Variants in IFNG-AS1 observed in about 807,000 individuals in gnomAD.
IFNG-AS1 encodes IFNG regulatory antisense RNA 1, also known as IFNG antisense RNA 1 (non-protein coding).
intron 3 of IFNG-AS1, among the ~76,000 whole-genome samples, chr12:68,009,333 G>GTTTTTTGTTTTTGTTT (rs1555177789): frequency 2.0e-5 from 3 of 151,978 alleles, no homozygotes; most frequent in Admixed American, 6.6e-5. Context: ...CATTGGAACA[G>GTTTTTTGTTTTTGTTT]TTTTTTGTTT....
intron 1 of IFNG-AS1, among the ~76,000 whole-genome samples, chr12:67,991,642 A>G (rs1879515327): frequency 1.3e-5 from 2 of 152,258 alleles, no homozygotes; most frequent in South Asian, 4.1e-4. Flanking sequence ...AAGATGGGCC[A>G]TGTTAAACCC....
At chr12:68,001,913 G>A (rs1393048512) in intron 2 of IFNG-AS1, among the ~76,000 whole-genome samples, 1 of 152,144 alleles carries the variant, frequency 6.6e-6, no homozygotes, top group African/African-American at 2.4e-5. Context: ...TAAGCTACCT[G>A]CAAATGAGGA....
intron 3 of IFNG-AS1, among the ~76,000 whole-genome samples, chr12:68,010,746 A>G (rs1880007927): frequency 1.3e-5 from 2 of 152,188 alleles, no homozygotes; most frequent in African/African-American, 4.8e-5. Flanking sequence ...CGAACCACAT[A>G]TTAGGGAAGT....
intron 3 of IFNG-AS1, chr12:68,013,736 T>G (rs1880084713): frequency 6.6e-6 from 1 of 152,220 alleles, no homozygotes; most frequent in Non-Finnish European, 1.5e-5. Context: ...GGTTGATGCC[T>G]TGATCAGAAC....
At chr12:68,002,924 T>C (rs1879803615) in intron 2 of IFNG-AS1, among the ~76,000 whole-genome samples, 1 of 152,218 alleles carries the variant, frequency 6.6e-6, no homozygotes, top group African/African-American at 2.4e-5. Context: ...AAAAGTAAAC[T>C]GGAGAACTGA....
intron 3 of IFNG-AS1, among the ~76,000 whole-genome samples, chr12:68,019,650 T>C (rs1190753030): frequency 1.3e-5 from 2 of 152,212 alleles, no homozygotes; most frequent in Non-Finnish European, 2.9e-5. Flanking sequence ...TGTCAACTTG[T>C]ACACTCACAA....
chr12:67,999,142 T>C (rs1441476787), intron 2 of IFNG-AS1, among the ~76,000 whole-genome samples: 1 of 152,106 alleles, frequency 6.6e-6, no homozygotes, highest in Non-Finnish European at 1.5e-5. Context: ...TAGATAGATA[T>C]AAATAGGAAT....
intron 2 of IFNG-AS1, among the ~76,000 whole-genome samples, chr12:68,003,813 A>C (rs1277197111): frequency 6.6e-6 from 1 of 151,764 alleles, no homozygotes; most frequent in Non-Finnish European, 1.5e-5. Context: ...AGGCTGAGGC[A>C]GGAGAATGAC....
At chr12:68,019,311 G>A (rs934846328) in intron 3 of IFNG-AS1, among the ~76,000 whole-genome samples, 9 of 152,160 alleles carry the variant, frequency 5.9e-5, no homozygotes, top group East Asian at 1.9e-4. Context: ...TAAGTGCCTC[G>A]CATGTATCAA....
At chr12:67,999,695 A>G (rs968332963) in intron 2 of IFNG-AS1, among the ~76,000 whole-genome samples, 3 of 152,230 alleles carry the variant, frequency 2.0e-5, no homozygotes, top group African/African-American at 7.2e-5. Flanking sequence ...GTAGAATTAT[A>G]ATTAACGAGT....
chr12:68,015,328 C>G (rs1202283519), intron 3 of IFNG-AS1, among the ~76,000 whole-genome samples: 1 of 152,130 alleles, frequency 6.6e-6, no homozygotes, highest in Non-Finnish European at 1.5e-5. Flanking sequence ...AGGAAAGCTG[C>G]AAACAAGCCA....
chr12:68,008,319 G>A (rs1879951761), intron 3 of IFNG-AS1, among the ~76,000 whole-genome samples: 2 of 151,944 alleles, frequency 1.3e-5, no homozygotes, highest in African/African-American at 4.8e-5. Flanking sequence ...GGGAGGCTGA[G>A]GCAGGAGAAT....
chr12:68,008,128 G>T, intron 3 of IFNG-AS1, among the ~76,000 whole-genome samples: 1 of 152,072 alleles, frequency 6.6e-6, no homozygotes, highest in Non-Finnish European at 1.5e-5. Flanking sequence ...TTAAAAATTA[G>T]AGATACAGCC....
intron 3 of IFNG-AS1, among the ~76,000 whole-genome samples, chr12:68,013,339 C>T (rs1880075711): frequency 6.6e-6 from 1 of 152,202 alleles, no homozygotes. Context: ...AGCTGCCCTG[C>T]CTTCCTCTGG....
At chr12:68,014,437 A>G (rs1880100644) in intron 3 of IFNG-AS1, among the ~76,000 whole-genome samples, 1 of 152,194 alleles carries the variant, frequency 6.6e-6, no homozygotes, top group African/African-American at 2.4e-5. Context: ...CACTGCATCC[A>G]TGCCAACATC....
At chr12:68,003,933 A>G (rs1879845792) in intron 2 of IFNG-AS1, among the ~76,000 whole-genome samples, 1 of 59,274 alleles carries the variant, frequency 1.7e-5, no homozygotes, top group South Asian at 5.9e-4. Flanking sequence ...AATCCGTATT[A>G]ATTTGGCCAC....
At chr12:68,009,918 A>T (rs952868327) in intron 3 of IFNG-AS1, among the ~76,000 whole-genome samples, 8 of 152,226 alleles carry the variant, frequency 5.3e-5, no homozygotes, top group Non-Finnish European at 1.0e-4. Flanking sequence ...GATGAGTTTT[A>T]AAAATAAAAT....
At chr12:68,007,314 T>C (rs1202093422) in intron 3 of IFNG-AS1, among the ~76,000 whole-genome samples, 1 of 152,228 alleles carries the variant, frequency 6.6e-6, no homozygotes, top group Non-Finnish European at 1.5e-5. Flanking sequence ...TCATTAACTA[T>C]CCTTATATGA....
At chr12:68,018,783 T>C (rs1880215064) in intron 3 of IFNG-AS1, among the ~76,000 whole-genome samples, 1 of 13,564 alleles carries the variant, frequency 7.4e-5, no homozygotes, top group African/African-American at 8.8e-5. Context: ...TTTTTATATA[T>C]ATATTTTTTT....
Sources: allele counts gnomAD v4.1 joint callset (sites outside exome capture counted in the v4.1 genomes callset), GRCh38; gene constraint gnomAD v4.1.1; transcripts MANE v1.5; gene names NCBI Gene and HGNC (gene_info 2026-07-23, HGNC 2026-07-21).